Variants in STXBP3 observed in about 807,000 individuals in gnomAD.
STXBP3 encodes the protein syntaxin binding protein 3, also known as syntaxin-binding protein 3.
Under a neutral mutation model 85.7 loss-of-function variants are expected in STXBP3, and 41 were observed. The ratio of observed to expected loss-of-function variants is 0.48; its 90% CI spans 0.37 to 0.62. The LOEUF (loss-of-function observed/expected upper bound fraction) is 0.62, where lower values mean the gene tolerates loss of function less well. Ranked by LOEUF, STXBP3 falls within the 20% of genes least tolerant of loss-of-function variation. The probability of loss-of-function intolerance (pLI) is 0.00; values close to 1 mark genes in which losing one functional copy is unlikely to be tolerated. For synonymous variants in STXBP3, 229 were observed against 231.7 expected (o/e 0.99, Z 0.10); for missense variants, 563 against 703.1 (o/e 0.80, Z 2.25).
At chr1:108,749,113 T>C (rs1380364551) in intron 1 of STXBP3, among the ~76,000 whole-genome samples, 1 of 152,136 alleles carries the variant, frequency 6.6e-6, no homozygotes, top group African/African-American at 2.4e-5. Context: ...ATTGCAGTAC[T>C]TCAGTGAGAG....
intron 6 of STXBP3, among the ~76,000 whole-genome samples, chr1:108,761,098 G>T (rs1662130856): frequency 6.6e-6 from 1 of 152,174 alleles, no homozygotes; most frequent in South Asian, 2.1e-4. Flanking sequence ...AAGAGATGGG[G>T]TTTCTCCATG....
rs188829195 is a variant in STXBP3, at chr1:108,786,072, C to G, written c.963+3366C>G. On this transcript the variant is annotated intron_variant, in intron 11 of 18. Transcript: ENST00000370008. ...TTTCAGGTGTCTTCACAGTAGCACCCCACTCCTGGTACCAAAACTGTATTA... is the reference window on the plus strand; with the variant it reads ...TTTCAGGTGTCTTCACAGTAGCACCGCACTCCTGGTACCAAAACTGTATTA... Among the ~76,000 whole-genome samples, 15 of 152,286 alleles carry G rather than the reference C, an allele frequency of 9.8e-5. 1 individual carries two copies. The highest frequency in any genetic ancestry group is 3.9e-4 in the Admixed American group (6 of 15,296).
chr1:108,792,958 C>A (rs548382581), intron 11 of STXBP3, among the ~76,000 whole-genome samples: 29 of 152,196 alleles, frequency 1.9e-4, no homozygotes, highest in African/African-American at 6.7e-4. Flanking sequence ...CACTAAGACC[C>A]CTCTGAAATC....
chr1:108,795,014 T>C, intron 13 of STXBP3, 107 bp downstream of exon 13: 1 of 873,026 alleles, frequency 1.1e-6, no homozygotes, highest in East Asian at 2.7e-5. Flanking sequence ...TTTTACAGAA[T>C]CACAGACTCT....
intron 11 of STXBP3, among the ~76,000 whole-genome samples, chr1:108,793,225 C>T (rs1663015770): frequency 8.3e-6 from 1 of 119,964 alleles, no homozygotes; most frequent in African/African-American, 3.2e-5. Context: ...ACTGTATTTC[C>T]TTTCAGTGGT....
At chr1:108,749,797 A>G (rs186059996) in intron 1 of STXBP3, among the ~76,000 whole-genome samples, 636 of 152,306 alleles carry the variant, frequency 4.2e-3, no homozygotes, top group Admixed American at 0.016. Context: ...AGATCCAAGT[A>G]TCTTCAGATT....
rs781526294 is a variant in STXBP3 at position 108,796,207 on chromosome 1, C to G, written c.1111-27C>G. ...TAAAAAATGAATTTTGGTTATAGAT[C>G]ACTGACAATATTTTATTTTCATTAA... is the stretch of plus-strand genomic sequence containing the variant. On this transcript the variant is annotated intron_variant, in intron 13 of 18. Coordinates refer to ENST00000370008, the MANE Select transcript of STXBP3 (RefSeq NM_007269.4). 6 of 1,599,074 alleles carry G rather than the reference C, an allele frequency of 3.8e-6. No individual in the cohort carries two copies. In the East Asian group the frequency reaches 1.1e-4, roughly 30 times the overall value.
intron 18 of STXBP3, among the ~76,000 whole-genome samples, chr1:108,808,570 C>G (rs889174739): frequency 1.3e-5 from 2 of 152,098 alleles, no homozygotes; most frequent in African/African-American, 2.4e-5. Flanking sequence ...TAGGAATGGC[C>G]GCTGTTTCTG....
chr1:108,795,209 G>A (rs545907555), intron 13 of STXBP3, among the ~76,000 whole-genome samples: 16 of 152,164 alleles, frequency 1.1e-4, no homozygotes, highest in South Asian at 8.3e-4. Flanking sequence ...TTCTCAGTAC[G>A]GGATTTAATA....
At chr1:108,763,548 T>C (rs1662189037) in intron 6 of STXBP3, among the ~76,000 whole-genome samples, 1 of 152,136 alleles carries the variant, frequency 6.6e-6, no homozygotes, top group Non-Finnish European at 1.5e-5. Flanking sequence ...AGTATTATAA[T>C]GGCACTCTGG....
chr1:108,759,867 C>G lies in STXBP3; in HGVS notation c.338-118C>G, dbSNP rs182013839. 1.4e-5 allele frequency: 9 copies of G among 639,546 alleles called. No individual in the cohort carries two copies. The Admixed American group carries it at 1.9e-4, about 13-fold the overall frequency. The allele number at this position is 639,546 out of a possible 1,614,324, so 39.6% of individuals were successfully genotyped here. On this transcript the variant is annotated intron_variant, in intron 5 of 18. Transcript: ENST00000370008. ...ACAATATTTATATATTATTTATGTCCTCATAATAACTGTGAAAGCCAGTAA... is the reference window on the plus strand; with the variant it reads ...ACAATATTTATATATTATTTATGTCGTCATAATAACTGTGAAAGCCAGTAA...
At chr1:108,749,405 T>C (rs1050977206) in intron 1 of STXBP3, among the ~76,000 whole-genome samples, 1 of 152,112 alleles carries the variant, frequency 6.6e-6, no homozygotes, top group African/African-American at 2.4e-5. Context: ...AAGATTAATA[T>C]GATAGATGAA....
In STXBP3 at chr1:108,749,161, A is replaced by G. The variant is rs577330863; in HGVS notation, c.49+2375A>G. ...TCGATGCTGGGTGACAGTAGCAATG[A>G]AAAATAATAGCTACCAGGGAGAACA... On this transcript the variant is annotated intron_variant, in intron 1 of 18. Transcript: ENST00000370008. 1.7e-4 allele frequency among the ~76,000 whole-genome samples: 26 copies of G among 152,334 alleles called. 1 individual carries two copies. The highest frequency in any genetic ancestry group is 1.4e-3 in the Admixed American group (22 of 15,308).
chr1:108,797,654 C>T lies in STXBP3; in HGVS notation c.1357-491C>T, dbSNP rs536397918. Among the ~76,000 whole-genome samples the T allele has an allele frequency of 5.3e-5, 8 of 152,044 alleles. No homozygotes were observed. The South Asian group carries it at 1.7e-3, about 32-fold the overall frequency. The stretch of plus-strand genomic sequence containing the variant: ...AACTCCTGACCTCAGGTGATCTGCC[C>T]GCCTCAGCCTCCCAAAGTTCTGGGA... On this transcript the variant is annotated intron_variant, in intron 15 of 18. Transcript: ENST00000370008.
chr1:108,772,829 T>G lies in STXBP3; in HGVS notation c.593+10T>G. Reference sequence around the variant, plus strand: ...GAGTAAGATATAAAAGGTAAGACACTGAGCATCTGCACATGTTATGCTTCC... The same window carrying G: ...GAGTAAGATATAAAAGGTAAGACACGGAGCATCTGCACATGTTATGCTTCC... On this transcript the variant is annotated intron_variant, in intron 7 of 18. Coordinates refer to ENST00000370008, the MANE Select transcript of STXBP3 (RefSeq NM_007269.4). 2 of 1,576,150 alleles carry G rather than the reference T, an allele frequency of 1.3e-6. No individual in the cohort carries two copies. Among genetic ancestry groups the G allele is most frequent in the South Asian group, 2.3e-5 (2 of 86,872 alleles).
At chr1:108,791,595 C>G (rs887532983) in intron 11 of STXBP3, among the ~76,000 whole-genome samples, 2 of 151,990 alleles carry the variant, frequency 1.3e-5, no homozygotes, top group South Asian at 4.2e-4. Flanking sequence ...CTTTGAGTCC[C>G]CTACTTCTGT....
At chr1:108,790,824 TA>T in intron 11 of STXBP3, among the ~76,000 whole-genome samples, 1 of 152,312 alleles carries the variant, frequency 6.6e-6, no homozygotes, top group South Asian at 2.1e-4. Flanking sequence ...TATAATAGTT[TA>T]ACTTTATCCC....
Position 108,782,465 on chromosome 1 carries a change from G to A in STXBP3, c.853G>A (p.Glu285Lys), listed in dbSNP as rs755335661. ...GKEKEAILEE[E>K]DDLWVRIRHR... ...AGAAAAGGAGGCCATCCTTGAAGAA[G>A]AAGATGACCTCTGGGTTAGAATTCG... Residue 285 changes from glutamate (E) to lysine (K), a missense_variant, in exon 10 of 19, where the codon GAA becomes AAA. Coordinates refer to ENST00000370008, the MANE Select transcript of STXBP3 (RefSeq NM_007269.4). 3 of 1,613,836 alleles carry A rather than the reference G, an allele frequency of 1.9e-6. No homozygotes were observed. In the East Asian group the frequency reaches 6.7e-5, roughly 36 times the overall value.
chr1:108,776,227 G>A, intron 7 of STXBP3, 106 bp from the exon 8 acceptor site: 1 of 632,074 alleles, frequency 1.6e-6, no homozygotes, highest in Non-Finnish European at 2.4e-6. Context: ...TTTTCATTTT[G>A]TAAACATTTT....
Sources: allele counts gnomAD v4.1 joint callset (sites outside exome capture counted in the v4.1 genomes callset), GRCh38; gene constraint gnomAD v4.1.1; transcripts MANE v1.5; gene names NCBI Gene and HGNC (gene_info 2026-07-23, HGNC 2026-07-21).